The following TMED5 variants were observed in gnomAD, a reference collection of about 807,000 sequenced individuals.
The protein encoded by TMED5 is transmembrane emp24 domain-containing protein 5.
A neutral mutation model predicts 23.0 loss-of-function variants in TMED5; 27 were observed. The ratio of observed to expected loss-of-function variants is 1.17; its 90% CI spans 0.86 to 1.62. The LOEUF (loss-of-function observed/expected upper bound fraction) is 1.62. TMED5 is among the 40% of genes most tolerant of loss of function. TMED5 has a pLI of 0.00. For missense variants in TMED5, 248 were observed against 273.7 expected, an observed-to-expected ratio of 0.91 and a Z score of 0.66; for synonymous variants, 97 against 100.8, an observed-to-expected ratio of 0.96 and a Z score of 0.23.
chr1:93,155,444 A>T (rs1294980772), intron 3 of TMED5, among the ~76,000 whole-genome samples: 3 of 152,088 alleles, frequency 2.0e-5, no homozygotes, highest in Non-Finnish European at 4.4e-5. Context: ...AATAGGTAAC[A>T]TGAAATTATT....
At chr1:93,166,451 A>G (rs1648507788) in intron 1 of TMED5, among the ~76,000 whole-genome samples, 1 of 152,082 alleles carries the variant, frequency 6.6e-6, no homozygotes, top group Admixed American at 6.5e-5. Context: ...TTTGGATATA[A>G]CCCATTTTAA....
intron 1 of TMED5, chr1:93,162,908 A>G (rs1648336409): frequency 6.6e-6 from 1 of 152,160 alleles, no homozygotes; most frequent in Non-Finnish European, 1.5e-5. Flanking sequence ...CATGAAAGCA[A>G]AAATAAAGCC....
rs755922080 is a variant in TMED5 at position 93,156,466 on chromosome 1, CCAA to C, written c.302_304del (p.Val101del). On this transcript the variant is annotated inframe_deletion, in exon 3 of 4. Transcript: ENST00000370282. ...ATTGTCAAAGCAGAACATGTAATCA[CCAA>C]CTTCAGTCTCTACACTGTATAAAAA... is the stretch of plus-strand genomic sequence containing the variant. The C allele has an allele frequency of 6.2e-7, 1 of 1,613,578 alleles. No homozygotes were observed. The highest frequency in any genetic ancestry group is 8.5e-7 in the Non-Finnish European group (1 of 1,179,672).
intron 1 of TMED5, among the ~76,000 whole-genome samples, chr1:93,171,355 G>A (rs926278512): frequency 6.6e-6 from 1 of 152,168 alleles, no homozygotes. Flanking sequence ...CACTCACCGC[G>A]AGGGTCCGCG....
chr1:93,180,306 C>T lies in TMED5; in HGVS notation c.-64G>A, dbSNP rs1321172482. On this transcript the variant is annotated 5_prime_UTR_variant, in exon 1 of 4. Coordinates refer to ENST00000370282, the MANE Select transcript of TMED5 (RefSeq NM_016040.5). ...TACTGTTGTCTCCGCTCCGCGTTTC[C>T]TCTCTGGACTCCTCGTGGTTGACAG... 4.0e-6 allele frequency: 6 copies of T among 1,493,554 alleles called. No individual in the cohort carries two copies. The highest frequency in any genetic ancestry group is 5.4e-6 in the Non-Finnish European group (6 of 1,115,850). 92.5% of individuals were successfully genotyped at this position (1,493,554 alleles called of 1,614,324 possible).
Position 93,180,185 on chromosome 1 carries a change from C to G in TMED5, c.58G>C (p.Val20Leu). ...PVLLLAALPP[V>L]LLPGAAGFTP... ...AAGCCGGCCGCCCCAGGCAGCAGCACCGGAGGCAGAGCGGCCAGAAGGAGC... is the reference window on the plus strand; with the variant it reads ...AAGCCGGCCGCCCCAGGCAGCAGCAGCGGAGGCAGAGCGGCCAGAAGGAGC... The change falls in exon 1 of 4, where the codon GTG (valine) becomes CTG (leucine). Residue 20 changes from valine to leucine, a missense_variant. Coordinates refer to ENST00000370282, the MANE Select transcript of TMED5 (RefSeq NM_016040.5). 1 of 1,613,494 alleles carries G rather than the reference C, an allele frequency of 6.2e-7. No individual in the cohort carries two copies. The highest frequency in any genetic ancestry group is 8.5e-7 in the Non-Finnish European group (1 of 1,179,770).
chr1:93,164,693 A>G (rs372672153), intron 1 of TMED5, among the ~76,000 whole-genome samples: 1 of 152,038 alleles, frequency 6.6e-6, no homozygotes, highest in Non-Finnish European at 1.5e-5. Flanking sequence ...AAATGCAAAA[A>G]CCTTTCTGGA....
At chr1:93,170,760 C>G (rs1331376482) in intron 1 of TMED5, among the ~76,000 whole-genome samples, 1 of 152,218 alleles carries the variant, frequency 6.6e-6, no homozygotes, top group Non-Finnish European at 1.5e-5. Flanking sequence ...AATCAGCACT[C>G]TGTGTCTAGC....
rs1648220143 is a variant in TMED5, at chr1:93,160,202, T to C, written c.214A>G (p.Ile72Val). ...TCTGGAGAGGCAAGATGGAAATCAA[T>C]ATCTAATCCTGCTCCATCTAAAACC... is the stretch of plus-strand genomic sequence containing the variant. ...YQVLDGAGLDIDFHLASPEGK... is the reference protein window; with the variant it reads ...YQVLDGAGLDVDFHLASPEGK... Residue 72 changes from isoleucine to valine, a missense_variant, in exon 2 of 4, where the codon ATT becomes GTT. Coordinates refer to ENST00000370282, the MANE Select transcript of TMED5 (RefSeq NM_016040.5). The C allele has an allele frequency of 6.2e-6, 10 of 1,612,040 alleles. No individual in the cohort carries two copies. The highest frequency in any genetic ancestry group is 8.5e-6 in the Non-Finnish European group (10 of 1,178,544).
At chr1:93,160,054 G>T in intron 2 of TMED5, 75 bp downstream of exon 2, 1 of 821,720 alleles carries the variant, frequency 1.2e-6, no homozygotes, top group Non-Finnish European at 2.1e-6. Context: ...TATCAAATGT[G>T]CTAACTTTCC....
intron 2 of TMED5, among the ~76,000 whole-genome samples, chr1:93,158,253 C>T (rs1648146575): frequency 6.6e-6 from 1 of 152,092 alleles, no homozygotes; most frequent in Non-Finnish European, 1.5e-5. Flanking sequence ...TTGTTCTATG[C>T]CTCAGTTTCC....
chr1:93,171,724 C>T (rs966270145), intron 1 of TMED5, among the ~76,000 whole-genome samples: 1 of 152,136 alleles, frequency 6.6e-6, no homozygotes, highest in Non-Finnish European at 1.5e-5. Flanking sequence ...CCAACATTAC[C>T]CTAATTCTAA....
Position 93,150,154 on chromosome 1 carries a change from G to C in TMED5, c.*4516C>G, listed in dbSNP as rs1647821707. 6.6e-6 allele frequency: 1 copy of C among 152,080 alleles called. No individual in the cohort carries two copies. The highest frequency in any genetic ancestry group is 1.5e-5 in the Non-Finnish European group (1 of 68,036). 9.4% of individuals were successfully genotyped at this position (152,080 alleles called of 1,614,324 possible). ...TTCAGTCCCAAGACCTGGCAACCACGAATCTTGTTTCCCATCTCTATAGCT... is the reference window on the plus strand; with the variant it reads ...TTCAGTCCCAAGACCTGGCAACCACCAATCTTGTTTCCCATCTCTATAGCT... On this transcript the variant is annotated 3_prime_UTR_variant, in exon 4 of 4. Transcript: ENST00000370282.
chr1:93,155,929 T>C lies in TMED5; in HGVS notation c.471+371A>G, dbSNP rs1273253290. The C allele has an allele frequency of 9.0e-6, 5 of 556,402 alleles. No homozygotes were observed. In the Admixed American group the frequency reaches 1.9e-4, roughly 21 times the overall value. 34.5% of individuals were successfully genotyped at this position (556,402 alleles called of 1,614,324 possible). A position where few individuals can be genotyped will look rare whatever the true frequency, so the allele number is the denominator to read the frequency against. ...CAATGTTTTAATACCACAAAATAGT[T>C]GTGAAATTAGAAAACATTTTACTTT... is the stretch of plus-strand genomic sequence containing the variant. On this transcript the variant is annotated intron_variant, in intron 3 of 3. Transcript: ENST00000370282.
rs1408221350 is a variant in TMED5 at position 93,150,054 on chromosome 1, T to C, written c.*4616A>G. 6.6e-6 allele frequency: 1 copy of C among 152,208 alleles called. No homozygotes were observed. Among genetic ancestry groups the C allele is most frequent in the Non-Finnish European group, 1.5e-5 (1 of 68,042 alleles). 9.4% of individuals were successfully genotyped at this position (152,208 alleles called of 1,614,324 possible). On this transcript the variant is annotated 3_prime_UTR_variant, in exon 4 of 4. Coordinates refer to ENST00000370282, the MANE Select transcript of TMED5 (RefSeq NM_016040.5). Reference sequence around the variant, plus strand: ...ATACTTCTAACATTTCACATGTATATTTATGTAATCACCACAATCAAACTA... The same window carrying C: ...ATACTTCTAACATTTCACATGTATACTTATGTAATCACCACAATCAAACTA...
rs1571296317 is a variant in TMED5 at position 93,180,394 on chromosome 1, A to C, written c.-152T>G. On this transcript the variant is annotated 5_prime_UTR_variant, in exon 1 of 4. Coordinates refer to ENST00000370282, the MANE Select transcript of TMED5 (RefSeq NM_016040.5). Reference sequence around the variant, plus strand: ...GCGGCGGCGGCGAACACTCCCTCCGAAAGAGAAGCGCAGTTCTCCAAAGGG... The same window carrying C: ...GCGGCGGCGGCGAACACTCCCTCCGCAAGAGAAGCGCAGTTCTCCAAAGGG... 1 of 1,240,338 alleles carries C rather than the reference A, an allele frequency of 8.1e-7. No homozygotes were observed. The highest frequency in any genetic ancestry group is 1.1e-6 in the Non-Finnish European group (1 of 900,368). 76.8% of individuals were successfully genotyped at this position (1,240,338 alleles called of 1,614,324 possible). A position where few individuals can be genotyped will look rare whatever the true frequency, so the allele number is the denominator to read the frequency against.
chr1:93,174,627 C>G (rs928244319), intron 1 of TMED5, among the ~76,000 whole-genome samples: 1 of 152,164 alleles, frequency 6.6e-6, no homozygotes, highest in South Asian at 2.1e-4. Context: ...CTTTTCTGTG[C>G]CTCTCTGTCC....
At position 93,152,869 on chromosome 1, in the gene TMED5, C is replaced by T. The variant is rs1647927661; in HGVS notation, c.*1801G>A. The T allele has an allele frequency of 6.6e-6, 1 of 152,426 alleles. No individual in the cohort carries two copies. 9.4% of individuals were successfully genotyped at this position (152,426 alleles called of 1,614,324 possible). A position where few individuals can be genotyped will look rare whatever the true frequency, so the allele number is the denominator to read the frequency against. ...TTCTGCAAGTGTTGCAGAGGATACC[C>T]CTAGACACCTGAAGCATTTTCTTGG... is the stretch of plus-strand genomic sequence containing the variant. On this transcript the variant is annotated 3_prime_UTR_variant, in exon 4 of 4. Coordinates refer to ENST00000370282, the MANE Select transcript of TMED5 (RefSeq NM_016040.5).
chr1:93,165,148 C>A (rs926785456), intron 1 of TMED5, among the ~76,000 whole-genome samples: 1 of 152,148 alleles, frequency 6.6e-6, no homozygotes. Context: ...ATGACTGCAG[C>A]CCTGTGAGAG....
Sources: allele counts gnomAD v4.1 joint callset (sites outside exome capture counted in the v4.1 genomes callset), GRCh38; gene constraint gnomAD v4.1.1; transcripts MANE v1.5; gene names NCBI Gene and HGNC (gene_info 2026-07-23, HGNC 2026-07-21).